The following PLEKHG1 variants were observed in gnomAD, a reference collection of about 807,000 sequenced individuals.
PLEKHG1 encodes pleckstrin homology domain-containing family G member 1.
PLEKHG1 carries 44 observed loss-of-function variants against 100.8 expected under a neutral mutation model. The ratio of observed to expected loss-of-function variants is 0.44; its 90% CI spans 0.34 to 0.56. The LOEUF (loss-of-function observed/expected upper bound fraction) is 0.56. Among genes scored for constraint, PLEKHG1 ranks in the 20% least tolerant of loss-of-function variants. PLEKHG1 has a pLI of 0.01. For missense variants in PLEKHG1, 1,545 were observed against 1,720.9 expected, an observed-to-expected ratio of 0.90 and a Z score of 1.81; for synonymous variants, 640 against 662.5, an observed-to-expected ratio of 0.97 and a Z score of 0.52.
rs75335204 is a variant in PLEKHG1 at position 150,638,520 on chromosome 6, G to T, written c.-158+395G>T. On this transcript the variant is annotated intron_variant, in intron 2 of 3. Coordinates refer to the PLEKHG1 transcript ENST00000367326. Reference sequence around the variant, plus strand: ...CATTGCCCCTCCCTCTCTTGCCAGGGTCACTCCTGCTAGTGTAGAATTTCT... The same window carrying T: ...CATTGCCCCTCCCTCTCTTGCCAGGTTCACTCCTGCTAGTGTAGAATTTCT... 1.6e-4 allele frequency among the ~76,000 whole-genome samples: 25 copies of T among 152,196 alleles called. No individual in the cohort carries two copies. In the East Asian group the frequency reaches 4.8e-3, roughly 29 times the overall value.
In PLEKHG1 at chr6:150,658,108, C is replaced by T. The variant is rs1779040161; in HGVS notation, c.-99+7322C>T. Among the ~76,000 whole-genome samples, 5 of 152,282 alleles carry T rather than the reference C, an allele frequency of 3.3e-5. No homozygotes were observed. The South Asian group carries it at 1.0e-3, about 32-fold the overall frequency. ...TCCCCTCCGCCTTGTCTCCTTTCTT[C>T]CTGTCTCATCCCAGATCCCAGTCGT... is the stretch of plus-strand genomic sequence containing the variant. On this transcript the variant is annotated intron_variant, in intron 3 of 3. Transcript: ENST00000367326.
At chr6:150,822,895 G>T (rs765109398) in intron 13 of PLEKHG1, among the ~76,000 whole-genome samples, 3 of 152,146 alleles carry the variant, frequency 2.0e-5, no homozygotes, top group African/African-American at 7.2e-5. Flanking sequence ...CACAAGAATC[G>T]CTTGAACCCG....
intron 3 of PLEKHG1, among the ~76,000 whole-genome samples, chr6:150,782,678 C>A (rs1002538992): frequency 6.6e-6 from 1 of 152,116 alleles, no homozygotes; most frequent in East Asian, 1.9e-4. Context: ...CAGCTATGTT[C>A]TATTAAGTTA....
chr6:150,714,435 C>T (rs142393131), intron 3 of PLEKHG1, among the ~76,000 whole-genome samples: 4 of 152,264 alleles, frequency 2.6e-5, no homozygotes, highest in East Asian at 1.9e-4. Flanking sequence ...GAGTCTGGAA[C>T]GTGTGCCCTT....
At chr6:150,679,553 A>G (rs943317069) in intron 3 of PLEKHG1, among the ~76,000 whole-genome samples, 1 of 152,218 alleles carries the variant, frequency 6.6e-6, no homozygotes, top group African/African-American at 2.4e-5. Flanking sequence ...AGCATACTTT[A>G]AAAAATTACA....
At chr6:150,840,013 G>A (rs771324032) in exon 16 of PLEKHG1, 1 of 1,614,168 alleles carries the variant, frequency 6.2e-7, no homozygotes, top group African/African-American at 1.3e-5. Flanking sequence ...TATAGTAATG[G>A]AGAGTTAGCA....
At chr6:150,720,480 C>T (rs922013374), upstream of PLEKHG1, among the ~76,000 whole-genome samples, 2 of 152,120 alleles carry the variant, frequency 1.3e-5, no homozygotes, top group Admixed American at 1.3e-4. Context: ...TCTTCAGATA[C>T]GCTTTTTAAA....
At chr6:150,692,385 CTA>C (rs1342287281) in intron 3 of PLEKHG1, among the ~76,000 whole-genome samples, 4 of 152,096 alleles carry the variant, frequency 2.6e-5, no homozygotes, top group Non-Finnish European at 5.9e-5. Flanking sequence ...TCATAATTAA[CTA>C]TGTAATTATC....
chr6:150,751,123 C>A (rs942617700), intron 2 of PLEKHG1, among the ~76,000 whole-genome samples: 1 of 152,170 alleles, frequency 6.6e-6, no homozygotes, highest in African/African-American at 2.4e-5. Flanking sequence ...TATTGTTATG[C>A]TTCCTAATCT....
chr6:150,774,515 G>T (rs1282214255), intron 3 of PLEKHG1, among the ~76,000 whole-genome samples: 1 of 147,782 alleles, frequency 6.8e-6, no homozygotes, highest in Non-Finnish European at 1.5e-5. Flanking sequence ...GTCTATTTAG[G>T]CACTGATTAG....
At chr6:150,744,411 A>C (rs1269799764) in intron 2 of PLEKHG1, among the ~76,000 whole-genome samples, 1 of 152,114 alleles carries the variant, frequency 6.6e-6, no homozygotes, top group East Asian at 1.9e-4. Flanking sequence ...TAGCCATTCC[A>C]AGAAGCCAAA....
At chr6:150,731,624 G>A (rs1028959483) in intron 1 of PLEKHG1, among the ~76,000 whole-genome samples, 2 of 152,060 alleles carry the variant, frequency 1.3e-5, no homozygotes, top group Non-Finnish European at 2.9e-5. Flanking sequence ...TACTGTGTTT[G>A]TCACATTATA....
rs77399840 is a variant in PLEKHG1, at chr6:150,620,902, C to G, written c.-203-17178C>G. Among the ~76,000 whole-genome samples the G allele has an allele frequency of 5.8e-3, 879 of 152,230 alleles. 12 individuals carry two copies. The highest frequency in any genetic ancestry group is 0.019 in the African/African-American group (784 of 41,534). The stretch of plus-strand genomic sequence containing the variant: ...AATGAATTGAGATTGGAGAGAGTCT[C>G]TCTTAGGAACACCCAAATAAAACTT... On this transcript the variant is annotated intron_variant, in intron 1 of 3. Transcript: ENST00000367326.
intron 3 of PLEKHG1, among the ~76,000 whole-genome samples, chr6:150,782,760 T>A (rs1035733222): frequency 6.6e-6 from 1 of 152,208 alleles, no homozygotes; most frequent in East Asian, 1.9e-4. Context: ...TATAAACAGG[T>A]CCTGATGCCA....
At chr6:150,761,042 G>T (rs960160552) in intron 2 of PLEKHG1, among the ~76,000 whole-genome samples, 1 of 148,678 alleles carries the variant, frequency 6.7e-6, no homozygotes, top group African/African-American at 2.5e-5. Context: ...TCCACATGAA[G>T]TCAATAAATG....
chr6:150,738,167 A>G (rs934988664), intron 2 of PLEKHG1, among the ~76,000 whole-genome samples: 4 of 152,080 alleles, frequency 2.6e-5, no homozygotes, highest in Non-Finnish European at 5.9e-5. Context: ...AAGCTCGTCT[A>G]ATTGAAGTCA....
chr6:150,631,329 C>G (rs575217972), intron 1 of PLEKHG1, among the ~76,000 whole-genome samples: 1 of 152,236 alleles, frequency 6.6e-6, no homozygotes, highest in African/African-American at 2.4e-5. Context: ...CCAGCACCCT[C>G]CTCCCCAGGT....
At chr6:150,743,895 A>G (rs1452106077) in intron 2 of PLEKHG1, among the ~76,000 whole-genome samples, 1 of 152,176 alleles carries the variant, frequency 6.6e-6, no homozygotes, top group Non-Finnish European at 1.5e-5. Context: ...TCTTGGTAGC[A>G]TTCTGAAAAC....
intron 2 of PLEKHG1, among the ~76,000 whole-genome samples, chr6:150,644,716 G>GA (rs1213351804): frequency 6.6e-6 from 1 of 151,552 alleles, no homozygotes. Context: ...ATCCTTTCTA[G>GA]AAAAAAACAG....
Sources: gnomAD v4.1 joint callset for allele counts (sites outside exome capture counted in the v4.1 genomes callset) on GRCh38, gnomAD v4.1.1 for gene constraint, MANE v1.5 for transcripts, NCBI Gene and HGNC (gene_info 2026-07-23, HGNC 2026-07-21) for gene names.